The following DSCAM variants were observed in gnomAD, a reference collection of about 807,000 sequenced individuals.
DSCAM encodes the protein cell adhesion molecule DSCAM.
In DSCAM, 47 loss-of-function variants were observed where a neutral mutation model predicts 217.7. That is an observed-to-expected ratio of 0.22 (90% CI 0.17 to 0.28). The LOEUF (loss-of-function observed/expected upper bound fraction) is 0.28, where lower values mean the gene tolerates loss of function less well. Ranked by LOEUF, DSCAM falls within the 10% of genes least tolerant of loss-of-function variation. The probability of loss-of-function intolerance (pLI) is 1.00; values close to 1 mark genes in which losing one functional copy is unlikely to be tolerated. For missense variants in DSCAM, 2,080 were observed against 2,618.3 expected, an observed-to-expected ratio of 0.79 and a Z score of 4.49; for synonymous variants, 1,056 against 1,015.3, an observed-to-expected ratio of 1.04 and a Z score of -0.76.
At chr21:40,205,102 AGG>A (rs2091110143) in intron 11 of DSCAM, among the ~76,000 whole-genome samples, 1 of 152,236 alleles carries the variant, frequency 6.6e-6, no homozygotes, top group South Asian at 2.1e-4. Flanking sequence ...AGCAACTCTC[AGG>A]GGGTTTTTAA....
chr21:40,373,343 G>A (rs760069740), intron 3 of DSCAM, among the ~76,000 whole-genome samples: 1 of 152,116 alleles, frequency 6.6e-6, no homozygotes, highest in East Asian at 1.9e-4. Flanking sequence ...GCACCCATTC[G>A]TTGGACCAGC....
At chr21:40,622,452 CCCA>C (rs781438454) in intron 3 of DSCAM, among the ~76,000 whole-genome samples, 2 of 151,988 alleles carry the variant, frequency 1.3e-5, no homozygotes, top group Non-Finnish European at 2.9e-5. Context: ...GGTTTCCCTC[CCCA>C]CCGACACCAT....
intron 31 of DSCAM, 41 bp downstream of exon 31, chr21:40,044,037 T>C: frequency 6.2e-7 from 1 of 1,606,626 alleles, no homozygotes; most frequent in Non-Finnish European, 8.5e-7. Flanking sequence ...GCGGGGGCCG[T>C]GCTGGTCCCC....
chr21:40,453,262 T>C (rs572852332), intron 3 of DSCAM, among the ~76,000 whole-genome samples: 2 of 152,274 alleles, frequency 1.3e-5, no homozygotes, highest in South Asian at 4.1e-4. Flanking sequence ...CAGAATGTAT[T>C]CTTTCTTGAG....
intron 14 of DSCAM, among the ~76,000 whole-genome samples, 179 bp downstream of exon 14, chr21:40,186,952 A>G (rs1244718977): frequency 6.6e-6 from 1 of 152,202 alleles, no homozygotes; most frequent in South Asian, 2.1e-4. Context: ...CCTCAACACG[A>G]AACTCCACTC....
At chr21:40,040,500 G>A (rs925681740) in intron 32 of DSCAM, among the ~76,000 whole-genome samples, 1 of 152,148 alleles carries the variant, frequency 6.6e-6, no homozygotes, top group South Asian at 2.1e-4. Context: ...TGCTATCTCA[G>A]GTGGAAACAT....
intron 5 of DSCAM, 94 bp from the exon 6 acceptor site, chr21:40,348,039 C>T (rs1950704182): frequency 7.3e-7 from 1 of 1,378,726 alleles, no homozygotes; most frequent in African/African-American, 1.4e-5. Flanking sequence ...GCAAGTGCAT[C>T]ACGCAATCAT....
intron 3 of DSCAM, among the ~76,000 whole-genome samples, chr21:40,542,505 A>G (rs1229018503): frequency 6.6e-6 from 1 of 152,198 alleles, no homozygotes. Context: ...TGAGGTCGTG[A>G]GGGTGGGACC....
At chr21:40,407,915 T>A (rs144980130) in intron 3 of DSCAM, among the ~76,000 whole-genome samples, 45 of 152,352 alleles carry the variant, frequency 3.0e-4, no homozygotes, top group Non-Finnish European at 1.0e-4. Context: ...ATAACCCTTC[T>A]GGGTGTGAAC....
intron 16 of DSCAM, among the ~76,000 whole-genome samples, chr21:40,148,181 G>A (rs1188628898): frequency 6.6e-6 from 1 of 151,852 alleles, no homozygotes; most frequent in African/African-American, 2.4e-5. Flanking sequence ...GATGGTAGTA[G>A]TGTTTTTACA....
chr21:40,368,140 A>C (rs2074853445), intron 4 of DSCAM, among the ~76,000 whole-genome samples: 1 of 152,086 alleles, frequency 6.6e-6, no homozygotes, highest in African/African-American at 2.4e-5. Flanking sequence ...GCGAATCCCA[A>C]ATTAATTTTA....
At chr21:40,360,730 C>T (rs1480357518) in intron 4 of DSCAM, among the ~76,000 whole-genome samples, 1 of 152,124 alleles carries the variant, frequency 6.6e-6, no homozygotes, top group East Asian at 1.9e-4. Context: ...GACACCTGGG[C>T]TGATTTCATG....
Position 40,276,295 on chromosome 21 carries a change from C to A in DSCAM, c.2183-25G>T, listed in dbSNP as rs1279860617. On this transcript the variant is annotated intron_variant, in intron 10 of 32. Transcript: ENST00000400454. ...CCTGAGACAGAAAAAGAAAGACGAG[C>A]AATGATGCAAACGAGAGTAAGTATG... 2.6e-6 allele frequency: 4 copies of A among 1,566,858 alleles called. No individual in the cohort carries two copies. In the Admixed American group the frequency reaches 5.7e-5, roughly 23 times the overall value.
intron 29 of DSCAM, 50 bp from the exon 30 acceptor site, chr21:40,052,157 A>G (rs369011164): frequency 1.2e-5 from 19 of 1,600,562 alleles, no homozygotes; most frequent in Non-Finnish European, 1.5e-5. Context: ...TCTCCCTTCC[A>G]ACCACTCCCT....
intron 3 of DSCAM, among the ~76,000 whole-genome samples, chr21:40,626,088 A>G (rs1406880262): frequency 6.6e-6 from 1 of 152,220 alleles, no homozygotes; most frequent in Non-Finnish European, 1.5e-5. Flanking sequence ...CAGAACCCAA[A>G]ATAAAATTAA....
intron 3 of DSCAM, among the ~76,000 whole-genome samples, chr21:40,539,371 T>G (rs2076525681): frequency 6.6e-6 from 1 of 151,966 alleles, no homozygotes; most frequent in South Asian, 2.1e-4. Flanking sequence ...GGCAGGCGCC[T>G]GTAGTCCCAG....
At chr21:40,079,034 A>G (rs1469596807) in intron 25 of DSCAM, 57 bp from the exon 26 acceptor site, 2 of 1,568,074 alleles carry the variant, frequency 1.3e-6, no homozygotes, top group East Asian at 2.3e-5. Flanking sequence ...GGCCATCAGC[A>G]TCTTCACGCA....
At chr21:40,094,492 G>C (rs1345898602) in intron 20 of DSCAM, among the ~76,000 whole-genome samples, 13 of 152,160 alleles carry the variant, frequency 8.5e-5, no homozygotes, top group Admixed American at 8.5e-4. Context: ...GGAGATTGAA[G>C]AGGGTCCTAC....
chr21:40,429,303 G>C (rs1361108379), intron 3 of DSCAM, among the ~76,000 whole-genome samples: 2 of 149,812 alleles, frequency 1.3e-5, no homozygotes, highest in Non-Finnish European at 3.0e-5. Flanking sequence ...TTTCACTCTT[G>C]TTGCCCAGGC....
Sources: allele counts gnomAD v4.1 joint callset (sites outside exome capture counted in the v4.1 genomes callset), GRCh38; gene constraint gnomAD v4.1.1; transcripts MANE v1.5; gene names NCBI Gene and HGNC (gene_info 2026-07-23, HGNC 2026-07-21).